RGS6: variants seen among roughly 807,000 people sequenced by gnomAD.
RGS6 encodes regulator of G protein signaling 6, also known as regulator of G-protein signaling 6.
RGS6 carries 30 observed loss-of-function variants against 78.5 expected under a neutral mutation model. That is an observed-to-expected ratio of 0.38 (90% CI 0.29 to 0.52). The LOEUF is 0.52. Among genes scored for constraint, RGS6 ranks in the 20% least tolerant of loss-of-function variants. The pLI is 0.85. For missense variants in RGS6, 495 were observed against 609.7 expected, an observed-to-expected ratio of 0.81 and a Z score of 1.98; for synonymous variants, 206 against 206.0, an observed-to-expected ratio of 1.00 and a Z score of 0.00.
intron 2 of RGS6, among the ~76,000 whole-genome samples, chr14:72,348,977 T>C (rs971809917): frequency 7.2e-5 from 11 of 152,054 alleles, no homozygotes; most frequent in East Asian, 1.9e-4. Flanking sequence ...CCATCCTGGC[T>C]AACATGGTGA....
chr14:72,523,852 A>C (rs1158386821), intron 15 of RGS6, among the ~76,000 whole-genome samples: 1 of 152,008 alleles, frequency 6.6e-6, no homozygotes, highest in Non-Finnish European at 1.5e-5. Flanking sequence ...TTAAGGACTC[A>C]GTTCTTTATG....
chr14:72,541,098 G>C (rs1439120303), intron 17 of RGS6: 1 of 1,358,900 alleles, frequency 7.4e-7, no homozygotes, highest in Non-Finnish European at 9.7e-7. Flanking sequence ...TCAAACCAGA[G>C]GGAACCAGGG....
intron 2 of RGS6, among the ~76,000 whole-genome samples, chr14:72,065,596 AAAC>A (rs2094106009): frequency 6.6e-6 from 1 of 152,090 alleles, no homozygotes; most frequent in African/African-American, 2.4e-5. Context: ...CTTGTCCTTA[AAAC>A]AACAATAACA....
At chr14:72,099,739 G>A (rs1287594604) in intron 2 of RGS6, among the ~76,000 whole-genome samples, 2 of 152,180 alleles carry the variant, frequency 1.3e-5, no homozygotes, top group African/African-American at 4.8e-5. Context: ...TCATAGCTTT[G>A]GCGGGGATTA....
chr14:71,953,675 C>T (rs1566900051), intron 1 of RGS6, among the ~76,000 whole-genome samples: 1 of 151,742 alleles, frequency 6.6e-6, no homozygotes, highest in Non-Finnish European at 1.5e-5. Flanking sequence ...TTTTTTTTGT[C>T]CTATGAACAT....
chr14:72,507,980 C>T (rs2096829983), intron 13 of RGS6, among the ~76,000 whole-genome samples: 1 of 152,170 alleles, frequency 6.6e-6, no homozygotes, highest in Non-Finnish European at 1.5e-5. Context: ...TTTTGGTTCC[C>T]TTGAAAGTTA....
At chr14:72,389,306 A>G in intron 3 of RGS6, among the ~76,000 whole-genome samples, 1 of 151,758 alleles carries the variant, frequency 6.6e-6, no homozygotes, top group East Asian at 1.9e-4. Flanking sequence ...TTCCTTCTTT[A>G]CTTAGCATCT....
chr14:72,407,240 G>A (rs1185416639), intron 3 of RGS6, among the ~76,000 whole-genome samples: 1 of 152,200 alleles, frequency 6.6e-6, no homozygotes, highest in Non-Finnish European at 1.5e-5. Flanking sequence ...TGTCCATGCA[G>A]CATTGCCCCA....
At chr14:72,407,247 C>T (rs1244563734) in intron 3 of RGS6, among the ~76,000 whole-genome samples, 1 of 152,114 alleles carries the variant, frequency 6.6e-6, no homozygotes, top group Non-Finnish European at 1.5e-5. Flanking sequence ...GCAGCATTGC[C>T]CCACACTGCC....
At chr14:72,459,747 A>G in intron 6 of RGS6, 64 bp downstream of exon 6, 1 of 1,530,272 alleles carries the variant, frequency 6.5e-7, no homozygotes, top group Admixed American at 1.7e-5. Flanking sequence ...GGGGGTGCAG[A>G]AGACAAATGC....
chr14:72,236,833 G>A (rs182997324), intron 2 of RGS6, among the ~76,000 whole-genome samples: 194 of 152,180 alleles, frequency 1.3e-3, no homozygotes, highest in African/African-American at 4.3e-3. Context: ...CTTCCCACAC[G>A]CGGTGGCAGC....
chr14:71,981,002 T>C (rs1401079975), intron 2 of RGS6, among the ~76,000 whole-genome samples: 1 of 144,246 alleles, frequency 6.9e-6, no homozygotes, highest in Non-Finnish European at 1.5e-5. Context: ...CTCACTTCAT[T>C]TCATTCATTT....
intron 2 of RGS6, among the ~76,000 whole-genome samples, chr14:72,161,466 C>T (rs540583978): frequency 1.3e-5 from 2 of 152,258 alleles, no homozygotes; most frequent in East Asian, 1.9e-4. Context: ...CTAAGTTTCA[C>T]AATGGGGTGT....
intron 3 of RGS6, among the ~76,000 whole-genome samples, chr14:72,435,532 C>G (rs1251174974): frequency 6.6e-6 from 1 of 152,184 alleles, no homozygotes; most frequent in Admixed American, 6.5e-5. Context: ...TAAAACAACA[C>G]ACATTTATCT....
At chr14:71,927,817 C>G (rs1594812686), upstream of RGS6, among the ~76,000 whole-genome samples, 1 of 151,720 alleles carries the variant, frequency 6.6e-6, no homozygotes, top group Admixed American at 6.6e-5. Flanking sequence ...GCCACCATGC[C>G]CGGCTAATTT....
At chr14:72,569,712 G>C (rs1219401371), downstream of RGS6, among the ~76,000 whole-genome samples, 1 of 139,674 alleles carries the variant, frequency 7.2e-6, no homozygotes, top group Non-Finnish European at 1.6e-5. Context: ...GGGAGGGAGG[G>C]AGGGAACGAA....
chr14:72,205,486 A>T (rs1411007800), intron 2 of RGS6, among the ~76,000 whole-genome samples: 1 of 152,174 alleles, frequency 6.6e-6, no homozygotes, highest in Non-Finnish European at 1.5e-5. Flanking sequence ...TCACAGGTCA[A>T]ACCTAAACAA....
At chr14:71,890,387 A>AGAGAGG in the RGS6 span, among the ~76,000 whole-genome samples, 2 of 151,842 alleles carry the variant, frequency 1.3e-5, no homozygotes, top group South Asian at 2.1e-4. Context: ...AGAGAGAGAG[A>AGAGAGG]GAGAGAAATC....
chr14:72,497,205 A>G (rs1199318390), intron 13 of RGS6, among the ~76,000 whole-genome samples: 6 of 152,132 alleles, frequency 3.9e-5, no homozygotes, highest in African/African-American at 1.2e-4. Context: ...TCATTCCCTT[A>G]GCTTAAAAGT....
Sources: allele counts gnomAD v4.1 joint callset (sites outside exome capture counted in the v4.1 genomes callset), GRCh38; gene constraint gnomAD v4.1.1; transcripts MANE v1.5; gene names NCBI Gene and HGNC (gene_info 2026-07-23, HGNC 2026-07-21).